The following PDE1C variants were observed in gnomAD, a reference collection of about 807,000 sequenced individuals.
PDE1C encodes the protein dual specificity calcium/calmodulin-dependent 3',5'-cyclic nucleotide phosphodiesterase 1C.
Under a neutral mutation model 93.1 loss-of-function variants are expected in PDE1C, and 62 were observed. The observed-to-expected ratio is 0.67, with a 90% confidence interval of 0.54 to 0.82. The LOEUF (loss-of-function observed/expected upper bound fraction) is 0.82, where lower values mean the gene tolerates loss of function less well. Ranked by LOEUF, PDE1C falls within the 40% of genes least tolerant of loss-of-function variation. PDE1C has a pLI of 0.00. For missense variants in PDE1C, 742 were observed against 884.6 expected (o/e 0.84, Z 2.04); for synonymous variants, 325 against 310.1 (o/e 1.05, Z -0.50).
the PDE1C span, among the ~76,000 whole-genome samples, chr7:31,739,239 C>CACACT: frequency 1.3e-5 from 1 of 74,570 alleles, no homozygotes; most frequent in Non-Finnish European, 3.4e-5. Context: ...ACACACACAC[C>CACACT]AGCTCTTCTG....
intron 1 of PDE1C, among the ~76,000 whole-genome samples, chr7:32,421,097 A>G (rs10243243): frequency 7.9e-6 from 1 of 126,024 alleles, no homozygotes; most frequent in South Asian, 2.4e-4. Flanking sequence ...ACACACACAC[A>G]CACACACACA....
rs941734125 is a variant in PDE1C, at chr7:32,079,678, G to A, written c.308+90107C>T. 5.3e-5 allele frequency among the ~76,000 whole-genome samples: 8 copies of A among 152,302 alleles called. 1 individual carries two copies. Among genetic ancestry groups the A allele is most frequent in the Middle Eastern group, 6.8e-3 (2 of 294 alleles). ...CTCTTTCTCCACACGGTTTCTCCTC[G>A]TGGTCTCAGCATGTAGCTAAATTAG... On this transcript the variant is annotated intron_variant, in intron 3 of 18. Coordinates refer to the PDE1C transcript ENST00000396193.
At chr7:32,246,255 C>T (rs551979897) in intron 1 of PDE1C, among the ~76,000 whole-genome samples, 1 of 152,222 alleles carries the variant, frequency 6.6e-6, no homozygotes, top group South Asian at 2.1e-4. Context: ...AGGCGTGAGC[C>T]ACCATTCCTG....
At chr7:32,426,725 A>C (rs1248868674) in intron 1 of PDE1C, among the ~76,000 whole-genome samples, 1 of 152,200 alleles carries the variant, frequency 6.6e-6, no homozygotes, top group Non-Finnish European at 1.5e-5. Flanking sequence ...CACAATGATA[A>C]ATCTCCCCTT....
chr7:31,677,728 G>A, the PDE1C span, among the ~76,000 whole-genome samples: 1 of 152,068 alleles, frequency 6.6e-6, no homozygotes, highest in Non-Finnish European at 1.5e-5. Flanking sequence ...TCAGGAACAA[G>A]ATAGAAATGC....
intron 16 of PDE1C, among the ~76,000 whole-genome samples, chr7:31,803,927 T>A (rs1249188300): frequency 1.3e-5 from 2 of 151,990 alleles, no homozygotes; most frequent in Admixed American, 1.3e-4. Flanking sequence ...ATGGGATGGC[T>A]GGGTCAAATG....
At chr7:32,418,809 CT>C (rs1785328183) in intron 1 of PDE1C, among the ~76,000 whole-genome samples, 1 of 152,302 alleles carries the variant, frequency 6.6e-6, no homozygotes, top group Admixed American at 6.5e-5. Context: ...GCATGAAAAA[CT>C]TTTTCCAAAC....
At chr7:31,924,504 C>G (rs932278281) in intron 2 of PDE1C, among the ~76,000 whole-genome samples, 2 of 152,208 alleles carry the variant, frequency 1.3e-5, no homozygotes, top group Non-Finnish European at 2.9e-5. Flanking sequence ...GGCATCATGA[C>G]TGGCACAAAT....
chr7:32,348,394 T>C (rs994716449), intron 1 of PDE1C, among the ~76,000 whole-genome samples: 2 of 128,978 alleles, frequency 1.6e-5, no homozygotes, highest in Admixed American at 1.8e-4. Context: ...AGATGGGGTC[T>C]CGCTCTGTCA....
chr7:32,391,420 A>T (rs1312276033), intron 1 of PDE1C, among the ~76,000 whole-genome samples: 19 of 152,170 alleles, frequency 1.2e-4, no homozygotes. Flanking sequence ...TTCAACATCC[A>T]CTCTGAATAA....
chr7:31,664,177 G>A, the PDE1C span, among the ~76,000 whole-genome samples: 1 of 152,156 alleles, frequency 6.6e-6, no homozygotes, highest in Non-Finnish European at 1.5e-5. Context: ...GCCCAAGTTA[G>A]GCCAGAGCCA....
At chr7:32,227,660 C>G (rs913842334) in intron 1 of PDE1C, among the ~76,000 whole-genome samples, 2 of 152,202 alleles carry the variant, frequency 1.3e-5, no homozygotes, top group Non-Finnish European at 1.5e-5. Flanking sequence ...AATCCAAACC[C>G]TATGTGCACT....
At chr7:31,879,471 A>C (rs1448651881) in intron 3 of PDE1C, among the ~76,000 whole-genome samples, 1 of 152,230 alleles carries the variant, frequency 6.6e-6, no homozygotes, top group Non-Finnish European at 1.5e-5. Flanking sequence ...GTGAAATTTA[A>C]ACCTTCTATT....
chr7:32,286,653 G>A (rs778416187), intron 1 of PDE1C, among the ~76,000 whole-genome samples: 4 of 152,186 alleles, frequency 2.6e-5, no homozygotes, highest in Admixed American at 6.5e-5. Flanking sequence ...TAGGCACTAA[G>A]TTAGAGAGAC....
chr7:32,172,574 C>G (rs1218622964), intron 2 of PDE1C, among the ~76,000 whole-genome samples: 9 of 152,012 alleles, frequency 5.9e-5, no homozygotes, highest in Non-Finnish European at 1.5e-5. Context: ...TGTAATCCCA[C>G]CACCTTGGGA....
chr7:32,054,819 T>C (rs1174802430), intron 1 of PDE1C, among the ~76,000 whole-genome samples: 1 of 152,190 alleles, frequency 6.6e-6, no homozygotes, highest in Non-Finnish European at 1.5e-5. Context: ...GGTCAGCTCT[T>C]AAAGCACAAG....
At chr7:32,420,723 AT>A (rs61479721) in intron 1 of PDE1C, among the ~76,000 whole-genome samples, 19,736 of 151,042 alleles carry the variant, frequency 0.13, 1,327 homozygotes, top group East Asian at 0.19. Context: ...TGGTTAAAAT[AT>A]TTTTTTTAAG....
chr7:31,819,710 GTTT>G (rs1458661930), intron 14 of PDE1C, among the ~76,000 whole-genome samples: 2 of 152,102 alleles, frequency 1.3e-5, no homozygotes, highest in Non-Finnish European at 2.9e-5. Flanking sequence ...TGTCCGTACA[GTTT>G]TGGGGAAATA....
chr7:31,636,906 C>A, the PDE1C span, among the ~76,000 whole-genome samples: 1 of 116,412 alleles, frequency 8.6e-6, no homozygotes, highest in Admixed American at 1.2e-4. Context: ...CGACAACAGT[C>A]CCTGGTGTGT....
Sources: gnomAD v4.1 joint callset for allele counts (sites outside exome capture counted in the v4.1 genomes callset) on GRCh38, gnomAD v4.1.1 for gene constraint, MANE v1.5 for transcripts, NCBI Gene and HGNC (gene_info 2026-07-23, HGNC 2026-07-21) for gene names.